The following CYGB variants were observed in gnomAD, a reference collection of about 807,000 sequenced individuals.
CYGB encodes the protein histoglobin.
CYGB carries 13 observed loss-of-function variants against 20.7 expected under a neutral mutation model. That is an observed-to-expected ratio of 0.63 (90% CI 0.41 to 1.00). The LOEUF is 1.00. Ranked by LOEUF, CYGB falls within the 50% of genes least tolerant of loss-of-function variation. The pLI, the probability that CYGB is intolerant of heterozygous loss-of-function variation, is 0.00. For synonymous variants in CYGB, 93 were observed against 107.4 expected (o/e 0.87, Z 0.83); for missense variants, 218 against 257.2 (o/e 0.85, Z 1.04).
rs922987063 is a variant in CYGB, at chr17:76,528,473, T to A, written c.*105A>T. ...TCCTTCGGGGAAGTTGAGTCAGGGATTCCTCCAGCTTCCTTGGCACCCAGA... is the reference window on the plus strand; with the variant it reads ...TCCTTCGGGGAAGTTGAGTCAGGGAATCCTCCAGCTTCCTTGGCACCCAGA... On this transcript the variant is annotated 3_prime_UTR_variant, in exon 4 of 4. Transcript: ENST00000293230. This position sits in a 1 kb window ranked among gnomAD's most constrained non-coding sequence, Gnocchi z 5.8. 2 of 1,054,920 alleles carry A rather than the reference T, an allele frequency of 1.9e-6. No homozygotes were observed. The highest frequency in any genetic ancestry group is 3.3e-5 in the East Asian group (1 of 30,676). 65.3% of individuals were successfully genotyped at this position (1,054,920 alleles called of 1,614,324 possible).
chr17:76,537,254 ACGCCGCCTGCTC>A, intron 1 of CYGB, 134 bp downstream of exon 1: 1 of 924,126 alleles, frequency 1.1e-6, no homozygotes, highest in Non-Finnish European at 1.5e-6. Flanking sequence ...AAGGCGCCCC[ACGCCGCCTGCTC>A]CGCCGACCTC....
At chr17:76,535,053 G>C (rs1388435920) in intron 1 of CYGB, among the ~76,000 whole-genome samples, 1 of 152,232 alleles carries the variant, frequency 6.6e-6, no homozygotes, top group Non-Finnish European at 1.5e-5. Flanking sequence ...GAGGAGGAAG[G>C]TGTCAGAGTT....
chr17:76,541,536 GTCTGAGTCCTGGGAT>G (rs1041371437), upstream of CYGB, among the ~76,000 whole-genome samples: 2 of 152,092 alleles, frequency 1.3e-5, no homozygotes, highest in African/African-American at 4.8e-5. Flanking sequence ...GTCTCCTGTC[GTCTGAGTCCTGGGAT>G]TCTGAGTCCT....
chr17:76,533,326 C>T lies in CYGB; in HGVS notation c.144-1635G>A, dbSNP rs2074870771. On this transcript the variant is annotated intron_variant, in intron 1 of 3. Transcript: ENST00000293230. The surrounding 1 kb of genome is among the most constrained non-coding windows in gnomAD (Gnocchi z 4.5). ...ACGTGAGGCGACGGGTCTGAAAATA[C>T]ATTGAATTTTCTGGAGAAGCACTGT... Among the ~76,000 whole-genome samples the T allele has an allele frequency of 1.3e-5, 2 of 152,228 alleles. No homozygotes were observed.
At chr17:76,532,605 C>T (rs1054394051) in intron 1 of CYGB, among the ~76,000 whole-genome samples, 24 of 148,472 alleles carry the variant, frequency 1.6e-4, no homozygotes, top group Non-Finnish European at 1.2e-4. Context: ...AATCTTGGCT[C>T]GCTGCAACCT....
At chr17:76,549,081 T>C (rs1021421909) in intron 1 of CYGB, among the ~76,000 whole-genome samples, 2 of 152,200 alleles carry the variant, frequency 1.3e-5, no homozygotes, top group Non-Finnish European at 2.9e-5. Flanking sequence ...AGAAAGGTCC[T>C]TTCAACAGGA....
At chr17:76,541,719 G>C (rs2074994990), upstream of CYGB, among the ~76,000 whole-genome samples, 1 of 152,144 alleles carries the variant, frequency 6.6e-6, no homozygotes. Flanking sequence ...CCACCCCTGG[G>C]CCTCCCCCGA....
At chr17:76,543,755 CG>C in intron 1 of CYGB, 1 of 469,910 alleles carries the variant, frequency 2.1e-6, no homozygotes, top group Non-Finnish European at 4.4e-6. Flanking sequence ...GTGCTGGTGT[CG>C]GTTTGCCACA....
upstream of CYGB, among the ~76,000 whole-genome samples, chr17:76,540,969 G>T (rs555806164): frequency 1.3e-5 from 2 of 152,302 alleles, no homozygotes; most frequent in East Asian, 3.9e-4. The surrounding 1 kb of genome is among the most constrained non-coding windows in gnomAD (Gnocchi z 5.0). Context: ...TAGGCTGCCT[G>T]AGCCTCCAGC....
rs1236438235 is a variant in CYGB at position 76,546,297 on chromosome 17, G to A, written c.-53+4565C>T. On this transcript the variant is annotated intron_variant, in intron 1 of 3. Transcript: ENST00000589145. The surrounding 1 kb of genome is among the most constrained non-coding windows in gnomAD (Gnocchi z 4.5). ...CTGCCAGTCTCTCCTGGAGACTGGA[G>A]CATGACCAGGGAACTAATGAGGCGG... The A allele has an allele frequency of 2.0e-5, 3 of 152,208 alleles. No homozygotes were observed. Among genetic ancestry groups the A allele is most frequent in the African/African-American group, 7.2e-5 (3 of 41,420 alleles). The allele number at this position is 152,208 out of a possible 1,614,324, so 9.4% of individuals were successfully genotyped here.
chr17:76,547,868 C>T (rs2075069121), intron 1 of CYGB, among the ~76,000 whole-genome samples: 1 of 150,538 alleles, frequency 6.6e-6, no homozygotes, highest in Non-Finnish European at 1.5e-5. Context: ...TACACATATA[C>T]ATATTCACAC....
upstream of CYGB, among the ~76,000 whole-genome samples, chr17:76,541,525 T>A (rs2074993568): frequency 6.6e-6 from 1 of 152,206 alleles, no homozygotes; most frequent in African/African-American, 2.4e-5. Flanking sequence ...TCCGTCTTTC[T>A]GTCTCCTGTC....
rs181118054 is a variant in CYGB at position 76,528,235 on chromosome 17, C to T, written c.*343G>A. ...GTGATGTGGAGACCTGCATGCTGGC[C>T]GGGCTGATAGAAACGGGGCTGGTTT... On this transcript the variant is annotated 3_prime_UTR_variant, in exon 4 of 4. Transcript: ENST00000293230. This position sits in a 1 kb window ranked among gnomAD's most constrained non-coding sequence, Gnocchi z 5.8. 8.5e-4 allele frequency: 337 copies of T among 398,554 alleles called. 2 individuals are homozygous for T. Among genetic ancestry groups the T allele is most frequent in the African/African-American group, 6.4e-3 (312 of 48,676 alleles). 24.7% of individuals were successfully genotyped at this position (398,554 alleles called of 1,614,324 possible).
chr17:76,543,689 G>A, intron 1 of CYGB: 1 of 455,642 alleles, frequency 2.2e-6, no homozygotes, highest in South Asian at 1.6e-5. Flanking sequence ...TGCTGGCCTG[G>A]CCAACTGCCT....
chr17:76,531,255 T>A lies in CYGB; in HGVS notation c.376-113A>T, dbSNP rs1195545254. ...GAGGATCATTCCTAACGCAACAGTCTGGCAGCTTTGGGAACCCCGTGCTCT... is the reference window on the plus strand; with the variant it reads ...GAGGATCATTCCTAACGCAACAGTCAGGCAGCTTTGGGAACCCCGTGCTCT... On this transcript the variant is annotated intron_variant, in intron 2 of 3. Transcript: ENST00000293230. The surrounding 1 kb of genome is among the most constrained non-coding windows in gnomAD (Gnocchi z 7.4). 4 of 1,296,088 alleles carry A rather than the reference T, an allele frequency of 3.1e-6. No homozygotes were observed. The African/African-American group carries it at 5.9e-5, about 19-fold the overall frequency. The allele number at this position is 1,296,088 out of a possible 1,614,324, so 80.3% of individuals were successfully genotyped here.
At chr17:76,538,648 C>G (rs1224419172), upstream of CYGB, 1 of 352,448 alleles carries the variant, frequency 2.8e-6, no homozygotes, top group Admixed American at 3.7e-5. Context: ...TCAGCCGCCA[C>G]CAAGGGCCCG....
upstream of CYGB, among the ~76,000 whole-genome samples, chr17:76,541,108 C>G (rs1010902280): frequency 6.6e-6 from 1 of 152,204 alleles, no homozygotes; most frequent in Non-Finnish European, 1.5e-5. Context: ...TAACTCTTCC[C>G]TAGGCTGGAG....
At chr17:76,529,053 C>G (rs1598200167) in intron 3 of CYGB, 1 of 408,594 alleles carries the variant, frequency 2.4e-6, no homozygotes, top group Admixed American at 1.0e-4. Flanking sequence ...CGCCCCCCCC[C>G]CACCCCCCAC....
At chr17:76,540,711 C>T, upstream of CYGB, 1 of 822,308 alleles carries the variant, frequency 1.2e-6, no homozygotes, top group Non-Finnish European at 2.0e-6. This position sits in a 1 kb window ranked among gnomAD's most constrained non-coding sequence, Gnocchi z 5.0. Context: ...GCACCCTGCT[C>T]CCTGTCCGCC....
Sources: allele counts gnomAD v4.1 joint callset (sites outside exome capture counted in the v4.1 genomes callset), GRCh38; gene constraint gnomAD v4.1.1; non-coding constraint Gnocchi (gnomAD v3.1); transcripts MANE v1.5; gene names NCBI Gene and HGNC (gene_info 2026-07-23, HGNC 2026-07-21).